The following KCNK1 variants were observed in gnomAD, a reference collection of about 807,000 sequenced individuals.
The protein encoded by KCNK1 is potassium two pore domain channel subfamily K member 1.
In KCNK1, 10 loss-of-function variants were observed where a neutral mutation model predicts 22.2. The ratio of observed to expected loss-of-function variants is 0.45; its 90% CI spans 0.28 to 0.76. KCNK1 has a LOEUF of 0.76. Among genes scored for constraint, KCNK1 ranks in the 30% least tolerant of loss-of-function variants. KCNK1 has a pLI of 0.14. For synonymous variants in KCNK1, 200 were observed against 186.4 expected, an observed-to-expected ratio of 1.07 and a Z score of -0.60; for missense variants, 378 against 421.0, an observed-to-expected ratio of 0.90 and a Z score of 0.89.
chr1:233,615,184 A>G (rs1657466081), intron 1 of KCNK1, among the ~76,000 whole-genome samples: 1 of 152,210 alleles, frequency 6.6e-6, no homozygotes, highest in Non-Finnish European at 1.5e-5. Context: ...TTTTCAGAGT[A>G]GGAGGAAGGG....
At chr1:233,634,562 G>C (rs1032636786) in intron 1 of KCNK1, among the ~76,000 whole-genome samples, 23 of 152,308 alleles carry the variant, frequency 1.5e-4, no homozygotes, top group Non-Finnish European at 2.6e-4. Flanking sequence ...TGCTCAGACA[G>C]TCCCGGATGG....
rs368206986 is a variant in KCNK1, at chr1:233,667,526, C to G, written c.751+536C>G. Among the ~76,000 whole-genome samples, 20 of 151,822 alleles carry G rather than the reference C, an allele frequency of 1.3e-4. No homozygotes were observed. The East Asian group carries it at 3.3e-3, about 25-fold the overall frequency. On this transcript the variant is annotated intron_variant, in intron 2 of 2. Coordinates refer to ENST00000366621, the MANE Select transcript of KCNK1 (RefSeq NM_002245.4). ...CGGGCGGATCACGAGGTCAGGAGAT[C>G]GAGACCATCCTGGCTAACACGGTGA... is the stretch of plus-strand genomic sequence containing the variant.
chr1:233,624,753 G>A (rs1411414844), intron 1 of KCNK1, among the ~76,000 whole-genome samples: 1 of 152,148 alleles, frequency 6.6e-6, no homozygotes, highest in South Asian at 2.1e-4. Flanking sequence ...TATCTGGGGG[G>A]CCTCATGTGT....
chr1:233,653,887 C>G (rs933992957), intron 1 of KCNK1, among the ~76,000 whole-genome samples: 3 of 151,882 alleles, frequency 2.0e-5, no homozygotes, highest in African/African-American at 7.3e-5. Flanking sequence ...AAGATTGATA[C>G]CAAGAAGTGG....
chr1:233,628,760 A>T (rs548431711), intron 1 of KCNK1, among the ~76,000 whole-genome samples: 2 of 148,726 alleles, frequency 1.3e-5, no homozygotes, highest in African/African-American at 2.6e-5. Flanking sequence ...ACTCTGTCTC[A>T]AATAATAATA....
At chr1:233,627,059 C>T (rs1240622418) in intron 1 of KCNK1, among the ~76,000 whole-genome samples, 1 of 151,510 alleles carries the variant, frequency 6.6e-6, no homozygotes, top group East Asian at 1.9e-4. Flanking sequence ...GTGTCAGGTT[C>T]AAATAAACAC....
At chr1:233,633,558 C>T (rs1167115646) in intron 1 of KCNK1, among the ~76,000 whole-genome samples, 1 of 152,152 alleles carries the variant, frequency 6.6e-6, no homozygotes, top group Non-Finnish European at 1.5e-5. Context: ...AGGCCTATCT[C>T]TCTAGAAAAA....
chr1:233,614,395 T>C lies in KCNK1; in HGVS notation c.224T>C (p.Leu75Pro), dbSNP rs1214728571. 3 of 1,611,784 alleles carry C rather than the reference T, an allele frequency of 1.9e-6. No homozygotes were observed. The highest frequency in any genetic ancestry group is 1.1e-5 in the South Asian group (1 of 90,426). Residue 75 changes from leucine (L) to proline (P), a missense_variant, in exon 1 of 3, where the codon CTG (leucine) becomes CCG (proline). By Grantham distance (98) the Leu-to-Pro change is moderately conservative. Coordinates refer to ENST00000366621, the MANE Select transcript of KCNK1 (RefSeq NM_002245.4). ...EEHECLSEQQ[L>P]EQFLGRVLEA... ...CACGAGTGCCTGTCTGAGCAGCAGC[T>C]GGAGCAGTTCCTGGGCCGGGTGCTG...
chr1:233,629,398 A>G (rs933558656), intron 1 of KCNK1, among the ~76,000 whole-genome samples: 1 of 152,036 alleles, frequency 6.6e-6, no homozygotes, highest in Non-Finnish European at 1.5e-5. Context: ...AAGGAAAGGG[A>G]CATATACTCA....
chr1:233,620,300 T>C lies in KCNK1; in HGVS notation c.355+5774T>C, dbSNP rs190528451. ...AAGTTTGCTGACATCTGCTTCAGAA[T>C]GATACTTGAAAGGTACGCTAAGAGT... On this transcript the variant is annotated intron_variant, in intron 1 of 2. Coordinates refer to ENST00000366621, the MANE Select transcript of KCNK1 (RefSeq NM_002245.4). 4.6e-5 allele frequency among the ~76,000 whole-genome samples: 7 copies of C among 152,330 alleles called. No individual in the cohort carries two copies. The East Asian group carries it at 1.4e-3, about 29-fold the overall frequency.
In KCNK1 at chr1:233,614,414, G is replaced by C; in HGVS notation, c.243G>C (p.Arg81=). ...AGCAGCTGGAGCAGTTCCTGGGCCG[G>C]GTGCTGGAGGCCAGCAACTACGGCG... is the stretch of plus-strand genomic sequence containing the variant. ...SEQQLEQFLG[R]VLEASNYGVS... is the part of the protein sequence containing the mutation. Residue 81 remains arginine, a synonymous_variant, in exon 1 of 3, where the codon CGG becomes CGC. Transcript: ENST00000366621. 2 of 1,612,604 alleles carry C rather than the reference G, an allele frequency of 1.2e-6. No homozygotes were observed. Among genetic ancestry groups the C allele is most frequent in the Non-Finnish European group, 1.7e-6 (2 of 1,179,498 alleles).
intron 2 of KCNK1, among the ~76,000 whole-genome samples, chr1:233,667,750 A>G (rs1263239593): frequency 6.6e-6 from 1 of 151,116 alleles, no homozygotes; most frequent in Non-Finnish European, 1.5e-5. Flanking sequence ...AAAAAAAAAA[A>G]AATACATCAT....
chr1:233,665,756 C>A (rs558427063), intron 1 of KCNK1, among the ~76,000 whole-genome samples: 24 of 152,300 alleles, frequency 1.6e-4, no homozygotes, highest in Admixed American at 4.6e-4. Flanking sequence ...TTGAGATGGC[C>A]GTTTTGAGCT....
intron 1 of KCNK1, among the ~76,000 whole-genome samples, chr1:233,647,634 T>C (rs561723930): frequency 6.6e-6 from 1 of 152,336 alleles, no homozygotes; most frequent in African/African-American, 2.4e-5. Context: ...GTTTTGGCTA[T>C]GAATTCTCTG....
At chr1:233,662,347 T>C (rs1383289470) in intron 1 of KCNK1, among the ~76,000 whole-genome samples, 1 of 152,128 alleles carries the variant, frequency 6.6e-6, no homozygotes, top group Non-Finnish European at 1.5e-5. Flanking sequence ...ATGTATACAT[T>C]GTTCCATATC....
chr1:233,630,272 A>G (rs1324198282), intron 1 of KCNK1, among the ~76,000 whole-genome samples: 1 of 152,184 alleles, frequency 6.6e-6, no homozygotes, highest in African/African-American at 2.4e-5. Context: ...ATTGGCTTTA[A>G]ATAAATTATT....
At chr1:233,618,044 T>C (rs1157180564) in intron 1 of KCNK1, among the ~76,000 whole-genome samples, 2 of 152,230 alleles carry the variant, frequency 1.3e-5, no homozygotes, top group Non-Finnish European at 2.9e-5. Flanking sequence ...TCTTCAAAGA[T>C]AGAGCATTCC....
chr1:233,655,461 C>G (rs1274417959), intron 1 of KCNK1, among the ~76,000 whole-genome samples: 1 of 152,098 alleles, frequency 6.6e-6, no homozygotes, highest in African/African-American at 2.4e-5. Context: ...TTGGAATGGA[C>G]TGAATGCATT....
At chr1:233,650,030 C>A (rs749630204) in intron 1 of KCNK1, 41 of 533,334 alleles carry the variant, frequency 7.7e-5, no homozygotes, top group South Asian at 4.9e-4. Context: ...AGAGCTTGAA[C>A]TTCCCTGAGA....
Sources: gnomAD v4.1 joint callset for allele counts (sites outside exome capture counted in the v4.1 genomes callset) on GRCh38, gnomAD v4.1.1 for gene constraint, MANE v1.5 for transcripts, NCBI Gene and HGNC (gene_info 2026-07-23, HGNC 2026-07-21) for gene names.